VSTM4: variants seen among roughly 807,000 people sequenced by gnomAD.
VSTM4 encodes V-set and transmembrane domain containing 4.
In VSTM4, 20 loss-of-function variants were observed where a neutral mutation model predicts 36.4. That is an observed-to-expected ratio of 0.55 (90% confidence interval 0.39 to 0.80). VSTM4 has a LOEUF of 0.80. Among genes scored for constraint, VSTM4 ranks in the 30% least tolerant of loss-of-function variants. VSTM4 has a pLI of 0.00. For missense variants in VSTM4, 392 were observed against 404.5 expected, an observed-to-expected ratio of 0.97 and a Z score of 0.26; for synonymous variants, 182 against 173.9, an observed-to-expected ratio of 1.05 and a Z score of -0.37.
At chr10:49,055,020 G>A (rs926555009) in intron 5 of VSTM4, among the ~76,000 whole-genome samples, 2 of 152,180 alleles carry the variant, frequency 1.3e-5, no homozygotes, top group African/African-American at 4.8e-5. Context: ...CTTCTTGAAT[G>A]AGTAGATGCC....
At chr10:49,023,479 A>C (rs532663974) in intron 7 of VSTM4, among the ~76,000 whole-genome samples, 2 of 152,356 alleles carry the variant, frequency 1.3e-5, no homozygotes, top group South Asian at 4.1e-4. Flanking sequence ...AATTTTTGGC[A>C]CATCACTAAG....
intron 2 of VSTM4, among the ~76,000 whole-genome samples, chr10:49,100,011 G>A (rs914812722): frequency 6.6e-6 from 1 of 151,864 alleles, no homozygotes; most frequent in Non-Finnish European, 1.5e-5. Context: ...GCCAGACTCC[G>A]TGAAAAAGGA....
intron 7 of VSTM4, among the ~76,000 whole-genome samples, chr10:49,020,776 G>A (rs1228617471): frequency 6.6e-6 from 1 of 151,004 alleles, no homozygotes; most frequent in Non-Finnish European, 1.5e-5. Flanking sequence ...AGGGAGGCAG[G>A]GAGGGAGAGA....
At chr10:49,075,899 G>C (rs1844168222) in intron 4 of VSTM4, among the ~76,000 whole-genome samples, 1 of 152,194 alleles carries the variant, frequency 6.6e-6, no homozygotes, top group Non-Finnish European at 1.5e-5. Context: ...GGCCTGAGGA[G>C]TGTACCATCC....
chr10:49,103,975 G>A (rs370383203), intron 2 of VSTM4: 20 of 822,760 alleles, frequency 2.4e-5, no homozygotes, highest in Admixed American at 1.4e-4. Flanking sequence ...CCAAAGGTAC[G>A]GACCACAGAA....
At chr10:49,082,820 C>A (rs1370420993) in intron 3 of VSTM4, among the ~76,000 whole-genome samples, 3 of 152,246 alleles carry the variant, frequency 2.0e-5, no homozygotes, top group Non-Finnish European at 4.4e-5. Context: ...CATTTTTAGA[C>A]TCAACTGCAA....
intron 2 of VSTM4, chr10:49,103,901 A>G (rs1344178700): frequency 6.3e-7 from 1 of 1,584,304 alleles, no homozygotes; most frequent in African/African-American, 1.4e-5. Context: ...GTTAGACAAG[A>G]GAGACCACGG....
rs1225137467 is a variant in VSTM4 at position 49,018,309 on chromosome 10, T to C, written c.*1341A>G. 1 of 152,220 alleles carries C rather than the reference T, an allele frequency of 6.6e-6. No individual in the cohort carries two copies. Among genetic ancestry groups the C allele is most frequent in the Non-Finnish European group, 1.5e-5 (1 of 68,040 alleles). The allele number at this position is 152,220 out of a possible 1,614,324, so 9.4% of individuals were successfully genotyped here. A position where few individuals can be genotyped will look rare whatever the true frequency, so the allele number is the denominator to read the frequency against. The stretch of plus-strand genomic sequence containing the variant: ...CAGTTTCTAGAACTGGCAAGATTCA[T>C]TATCCCATTTTACCCTCAAGAATTC... On this transcript the variant is annotated 3_prime_UTR_variant, in exon 8 of 8. Coordinates refer to ENST00000332853, the MANE Select transcript of VSTM4 (RefSeq NM_001031746.5).
At chr10:49,060,385 T>C (rs566390505) in intron 5 of VSTM4, among the ~76,000 whole-genome samples, 2 of 152,326 alleles carry the variant, frequency 1.3e-5, no homozygotes, top group South Asian at 4.1e-4. Context: ...TCTTTTGAGT[T>C]ATAGCCATTG....
chr10:49,043,807 T>C (rs1347707930), intron 7 of VSTM4, among the ~76,000 whole-genome samples: 2 of 152,226 alleles, frequency 1.3e-5, no homozygotes, highest in Non-Finnish European at 2.9e-5. Context: ...AAAAAGAAAC[T>C]GCACAAGTAC....
chr10:49,097,892 C>T (rs1844600846), intron 2 of VSTM4, among the ~76,000 whole-genome samples: 1 of 152,240 alleles, frequency 6.6e-6, no homozygotes, highest in Admixed American at 6.5e-5. Flanking sequence ...AAACTATTAA[C>T]TGCTCTTTGT....
In VSTM4 at chr10:49,032,793, T is replaced by C. The variant is rs375670353; in HGVS notation, c.838-13018A>G. On this transcript the variant is annotated intron_variant, in intron 7 of 7. Transcript: ENST00000332853. ...ACCTGGGTTCTGCTGCTTGGAGTCA[T>C]CTAAAATCTCCACATGGCTTTTAAC... Among the ~76,000 whole-genome samples, 8 of 152,204 alleles carry C rather than the reference T, an allele frequency of 5.3e-5. No homozygotes were observed. In the East Asian group the frequency reaches 1.2e-3, roughly 22 times the overall value.
chr10:49,089,795 G>C (rs1844439322), intron 2 of VSTM4, among the ~76,000 whole-genome samples: 1 of 152,224 alleles, frequency 6.6e-6, no homozygotes, highest in Admixed American at 6.5e-5. Context: ...TGTTGCAGCT[G>C]CTAATCCTGT....
intron 7 of VSTM4, among the ~76,000 whole-genome samples, chr10:49,037,541 A>C (rs1423737794): frequency 1.3e-5 from 2 of 152,174 alleles, no homozygotes; most frequent in East Asian, 3.9e-4. Context: ...CGCTCTAGTG[A>C]CTCCAGGTTC....
chr10:49,039,197 C>A (rs538722661), intron 7 of VSTM4, among the ~76,000 whole-genome samples: 1 of 152,192 alleles, frequency 6.6e-6, no homozygotes, highest in African/African-American at 2.4e-5. Context: ...AGCTGAGCAG[C>A]AGCTCTGCGG....
chr10:49,108,130 G>A, intron 1 of VSTM4, 135 bp from the exon 2 acceptor site: 2 of 1,264,146 alleles, frequency 1.6e-6, no homozygotes, highest in Non-Finnish European at 2.1e-6. Flanking sequence ...GAAGCAGGCG[G>A]CCCCTCACCT....
chr10:49,099,271 T>C (rs1350267937), intron 2 of VSTM4, among the ~76,000 whole-genome samples: 1 of 152,226 alleles, frequency 6.6e-6, no homozygotes, highest in African/African-American at 2.4e-5. Context: ...TCACTCCGAA[T>C]CCTTTCGCAG....
At chr10:49,068,743 T>C (rs1844019306) in intron 4 of VSTM4, among the ~76,000 whole-genome samples, 1 of 152,088 alleles carries the variant, frequency 6.6e-6, no homozygotes, top group Admixed American at 6.5e-5. Context: ...CAAGAGTTTA[T>C]GTGGGAGGTG....
intron 1 of VSTM4, among the ~76,000 whole-genome samples, chr10:49,109,900 G>A (rs999676973): frequency 2.6e-5 from 4 of 152,216 alleles, no homozygotes; most frequent in African/African-American, 4.8e-5. Context: ...CAGGCACCTG[G>A]CCCATGGGCC....
Sources: gnomAD v4.1 joint callset for allele counts (sites outside exome capture counted in the v4.1 genomes callset) on GRCh38, gnomAD v4.1.1 for gene constraint, MANE v1.5 for transcripts, NCBI Gene and HGNC (gene_info 2026-07-23, HGNC 2026-07-21) for gene names.